The following ADK variants were observed in gnomAD, a reference collection of about 807,000 sequenced individuals.
ADK encodes the protein adenosine kinase, also known as N6,N6-dimethyladenosine kinase.
A neutral mutation model predicts 44.7 loss-of-function variants in ADK; 24 were observed. The ratio of observed to expected loss-of-function variants is 0.54; its 90% CI spans 0.39 to 0.76. The LOEUF (loss-of-function observed/expected upper bound fraction) is 0.76, where lower values mean the gene tolerates loss of function less well. Ranked by LOEUF, ADK falls within the 30% of genes least tolerant of loss-of-function variation. The pLI is 0.00. For synonymous variants in ADK, 128 were observed against 142.6 expected, an observed-to-expected ratio of 0.90 and a Z score of 0.73; for missense variants, 321 against 425.1, an observed-to-expected ratio of 0.76 and a Z score of 2.15.
At chr10:74,346,104 C>T (rs1040585397) in intron 4 of ADK, among the ~76,000 whole-genome samples, 2 of 152,224 alleles carry the variant, frequency 1.3e-5, no homozygotes, top group South Asian at 4.1e-4. Flanking sequence ...GTTGGGCAAG[C>T]TGGTCTCAAA....
At chr10:74,499,605 G>A (rs568913480) in intron 6 of ADK, among the ~76,000 whole-genome samples, 3 of 151,984 alleles carry the variant, frequency 2.0e-5, no homozygotes, top group Non-Finnish European at 2.9e-5. Flanking sequence ...GGAGAATGGC[G>A]TGAACCCGGG....
At chr10:74,613,697 T>C (rs1852638767) in intron 9 of ADK, among the ~76,000 whole-genome samples, 2 of 152,140 alleles carry the variant, frequency 1.3e-5, no homozygotes, top group South Asian at 4.1e-4. Context: ...AAAAGGTCAG[T>C]GTGATTTGCA....
chr10:74,342,507 C>G lies in ADK; in HGVS notation c.273+27762C>G, dbSNP rs996564632. On this transcript the variant is annotated intron_variant, in intron 4 of 10. Coordinates refer to ENST00000539909, the MANE Select transcript of ADK (RefSeq NM_006721.4). ...TTTGTTTTTGAGACAGGCTCATGCT[C>G]TGTTGCCCAGGCTGAAGTGCAGTGG... Among the ~76,000 whole-genome samples the G allele has an allele frequency of 5.3e-5, 8 of 152,158 alleles. No homozygotes were observed. The South Asian group carries it at 1.7e-3, about 32-fold the overall frequency.
chr10:74,347,531 TC>T (rs928404761), intron 4 of ADK, among the ~76,000 whole-genome samples: 3 of 152,220 alleles, frequency 2.0e-5, no homozygotes, highest in African/African-American at 7.2e-5. Context: ...GAGTTTTTTT[TC>T]GTACCCCAGT....
intron 9 of ADK, among the ~76,000 whole-genome samples, chr10:74,639,462 A>AGT (rs1352558399): frequency 1.3e-5 from 2 of 152,210 alleles, no homozygotes; most frequent in Non-Finnish European, 2.9e-5. Flanking sequence ...CAGTGGGTTC[A>AGT]TTCACTTTGT....
At chr10:74,404,575 C>T (rs1387555357) in intron 6 of ADK, among the ~76,000 whole-genome samples, 1 of 152,184 alleles carries the variant, frequency 6.6e-6, no homozygotes, top group East Asian at 1.9e-4. Flanking sequence ...TTTTTCAGTA[C>T]ATGAAAAATG....
At chr10:74,450,037 G>T (rs1203011830) in intron 6 of ADK, among the ~76,000 whole-genome samples, 2 of 152,142 alleles carry the variant, frequency 1.3e-5, no homozygotes, top group East Asian at 1.9e-4. Flanking sequence ...CAGGCACATT[G>T]TCTCACATCT....
chr10:74,577,915 A>G (rs1439340607), intron 7 of ADK, among the ~76,000 whole-genome samples: 4 of 152,204 alleles, frequency 2.6e-5, no homozygotes, highest in South Asian at 4.1e-4. Context: ...TACCCTGTAT[A>G]TTTGTTCATT....
chr10:74,193,482 T>A (rs1843020852), intron 1 of ADK, among the ~76,000 whole-genome samples: 1 of 152,128 alleles, frequency 6.6e-6, no homozygotes, highest in South Asian at 2.1e-4. Context: ...AACTTCTTTG[T>A]CTTTATAAAA....
At chr10:74,526,497 C>G (rs1282487842) in intron 7 of ADK, among the ~76,000 whole-genome samples, 1 of 152,110 alleles carries the variant, frequency 6.6e-6, no homozygotes, top group Middle Eastern at 3.2e-3. Context: ...TTAATCATCC[C>G]AGAAGTTCAT....
At chr10:74,438,393 T>TC (rs1227623514) in intron 6 of ADK, among the ~76,000 whole-genome samples, 1 of 128,018 alleles carries the variant, frequency 7.8e-6, no homozygotes, top group East Asian at 2.0e-4. Context: ...TCCGGCTAAT[T>TC]TTTTTTTTTT....
Position 74,409,946 on chromosome 10 carries a change from C to T in ADK, c.555+11367C>T, listed in dbSNP as rs997832236. On this transcript the variant is annotated intron_variant, in intron 6 of 10. Coordinates refer to ENST00000539909, the MANE Select transcript of ADK (RefSeq NM_006721.4). ...TAACAATTTTTCTTAGTAAAACTTT[C>T]ATTTATACTCAGTTACAATTAAATA... Among the ~76,000 whole-genome samples, 3 of 152,086 alleles carry T rather than the reference C, an allele frequency of 2.0e-5. No homozygotes were observed. The East Asian group carries it at 5.8e-4, about 29-fold the overall frequency.
At chr10:74,421,153 T>C (rs1390531545) in intron 6 of ADK, among the ~76,000 whole-genome samples, 2 of 152,204 alleles carry the variant, frequency 1.3e-5, no homozygotes, top group African/African-American at 4.8e-5. Flanking sequence ...GAAAAGGAGC[T>C]GACCTAAGTA....
chr10:74,568,195 A>G lies in ADK; in HGVS notation c.727-21087A>G, dbSNP rs78468044. Among the ~76,000 whole-genome samples, 1,430 of 152,236 alleles carry G rather than the reference A, an allele frequency of 9.4e-3. 26 individuals are homozygous for G. Among genetic ancestry groups the G allele is most frequent in the African/African-American group, 0.033 (1,356 of 41,524 alleles). On this transcript the variant is annotated intron_variant, in intron 7 of 10. Transcript: ENST00000539909. ...CATCAGCTGTTGTTAGTGTTTGTAC[A>G]TTTTATGTGTGGCCCAAGACAATTC...
chr10:74,655,592 A>C (rs1854453379), intron 9 of ADK: 3 of 463,144 alleles, frequency 6.5e-6, no homozygotes, highest in Non-Finnish European at 1.3e-5. Context: ...ACCTACTGTG[A>C]AACTGAAAGA....
chr10:74,285,447 A>G, intron 3 of ADK, among the ~76,000 whole-genome samples: 1 of 152,358 alleles, frequency 6.6e-6, no homozygotes, highest in African/African-American at 2.4e-5. Context: ...TGACTGAAGC[A>G]TAGTATGTGA....
chr10:74,337,407 G>A (rs1050331624), intron 4 of ADK, among the ~76,000 whole-genome samples: 4 of 152,180 alleles, frequency 2.6e-5, no homozygotes, highest in Admixed American at 6.5e-5. Context: ...GTAGCATTCA[G>A]CCATTCAGAG....
At chr10:74,544,442 G>A (rs755296062) in intron 7 of ADK, among the ~76,000 whole-genome samples, 1 of 152,150 alleles carries the variant, frequency 6.6e-6, no homozygotes, top group Non-Finnish European at 1.5e-5. Flanking sequence ...CAGTTTAAGG[G>A]TTAATGATAC....
intron 2 of ADK, among the ~76,000 whole-genome samples, chr10:74,208,326 G>A (rs976835304): frequency 1.3e-5 from 2 of 152,242 alleles, no homozygotes; most frequent in African/African-American, 4.8e-5. Context: ...GCTCTGTGGA[G>A]CATGCAGCCC....
Sources: gnomAD v4.1 joint callset for allele counts (sites outside exome capture counted in the v4.1 genomes callset) on GRCh38, gnomAD v4.1.1 for gene constraint, MANE v1.5 for transcripts, NCBI Gene and HGNC (gene_info 2026-07-23, HGNC 2026-07-21) for gene names.